The following AHCTF1 variants were observed in gnomAD, a reference collection of about 807,000 sequenced individuals.
The protein encoded by AHCTF1 is protein ELYS.
In AHCTF1, 24 loss-of-function variants were observed where a neutral mutation model predicts 248.4. The observed-to-expected ratio is 0.10, with a 90% CI of 0.07 to 0.14. The LOEUF is 0.14. Ranked by LOEUF, AHCTF1 falls within the 10% of genes least tolerant of loss-of-function variation. The probability of loss-of-function intolerance (pLI) is 1.00; values close to 1 mark genes in which losing one functional copy is unlikely to be tolerated. For missense variants in AHCTF1, 2,206 were observed against 2,636.2 expected (o/e 0.84, Z 3.57); for synonymous variants, 786 against 929.8 (o/e 0.85, Z 2.81).
At chr1:246,923,857 G>C (rs73146606) in intron 1 of AHCTF1, among the ~76,000 whole-genome samples, 31 of 152,120 alleles carry the variant, frequency 2.0e-4, no homozygotes, top group Non-Finnish European at 2.8e-4. Context: ...TGAAATGAAG[G>C]GGGAAATAGA....
intron 31 of AHCTF1, among the ~76,000 whole-genome samples, chr1:246,854,016 C>T (rs1204266752): frequency 1.3e-5 from 2 of 152,056 alleles, no homozygotes; most frequent in African/African-American, 2.4e-5. Flanking sequence ...TATTAAAAAT[C>T]TGGCTGGGCG....
intron 1 of AHCTF1, among the ~76,000 whole-genome samples, chr1:246,920,566 C>T (rs1438311128): frequency 1.3e-5 from 2 of 150,566 alleles, no homozygotes; most frequent in Non-Finnish European, 3.0e-5. Flanking sequence ...GTCAGGAGAT[C>T]GAGACCATCC....
At chr1:246,891,686 T>C in intron 15 of AHCTF1, 93 bp downstream of exon 15, 16 of 1,330,920 alleles carry the variant, frequency 1.2e-5, no homozygotes, top group Non-Finnish European at 1.7e-5. Flanking sequence ...CTTTACATAA[T>C]GATCCATCTA....
chr1:246,891,649 A>G (rs1664211972), intron 15 of AHCTF1, 130 bp downstream of exon 15: 1 of 919,456 alleles, frequency 1.1e-6, no homozygotes, highest in Non-Finnish European at 1.6e-6. Flanking sequence ...ACAAACAAAA[A>G]CCCTAGCACT....
At position 246,894,866 on chromosome 1, in the gene AHCTF1, G is replaced by T. The variant is rs967953; in HGVS notation, c.1715-118C>A. On this transcript the variant is annotated intron_variant, in intron 13 of 35. Coordinates refer to ENST00000648844, the MANE Select transcript of AHCTF1 (RefSeq NM_001323342.2). ...TAACCGAGTGAACATCAACACTTCA[G>T]GGAGGCAACTTGGGAAAATGGACTT... 3.4e-4 allele frequency: 268 copies of T among 784,786 alleles called. 2 individuals carry two copies. The East Asian group carries it at 7.2e-3, about 21-fold the overall frequency. The allele number at this position is 784,786 out of a possible 1,614,324, so 48.6% of individuals were successfully genotyped here.
At position 246,843,866 on chromosome 1, in the gene AHCTF1, C is replaced by G. The variant is rs1051417291; in HGVS notation, c.6454G>C (p.Val2152Leu). 1 of 1,508,182 alleles carries G rather than the reference C, an allele frequency of 6.6e-7. No individual in the cohort carries two copies. The highest frequency in any genetic ancestry group is 8.9e-7 in the Non-Finnish European group (1 of 1,129,260). The allele number at this position is 1,508,182 out of a possible 1,614,324, so 93.4% of individuals were successfully genotyped here. The stretch of plus-strand genomic sequence containing the variant: ...CTCCTTAAAGCAGGAGGTGAGATGA[C>G]AAACTGAGAAGATAAATCCGAAACT... ...ELVSDLSSQF[V>L]ISPPALRSRQ... is the part of the protein sequence containing the mutation. The change falls in exon 34 of 36, where the codon GTC becomes CTC. Residue 2152 changes from valine (V) to leucine (L), a missense_variant. Physicochemically the swap from Val to Leu is conservative, Grantham distance 32 (BLOSUM62 1). Coordinates refer to ENST00000648844, the MANE Select transcript of AHCTF1 (RefSeq NM_001323342.2).
chr1:246,855,697 G>A, intron 31 of AHCTF1, 33 bp downstream of exon 31: 2 of 1,517,358 alleles, frequency 1.3e-6, no homozygotes, highest in Non-Finnish European at 1.8e-6. Flanking sequence ...CACAAAAATG[G>A]AATAATCCTG....
chr1:246,869,881 A>G (rs772879630), intron 24 of AHCTF1, among the ~76,000 whole-genome samples: 60 of 152,196 alleles, frequency 3.9e-4, no homozygotes, highest in African/African-American at 9.6e-4. Context: ...TATAATTTAG[A>G]AATACATTTC....
intron 24 of AHCTF1, 82 bp from the exon 25 acceptor site, chr1:246,867,893 C>A (rs879082383): frequency 5.5e-5 from 25 of 455,148 alleles, no homozygotes; most frequent in Admixed American, 2.1e-4. Flanking sequence ...ATGATTACAC[C>A]CCCCCCCCCA....
chr1:246,881,351 T>C (rs1284132679), intron 21 of AHCTF1, among the ~76,000 whole-genome samples: 1 of 152,166 alleles, frequency 6.6e-6, no homozygotes, highest in Non-Finnish European at 1.5e-5. Context: ...CGTCAGCAAC[T>C]CTGCATACTT....
intron 27 of AHCTF1, among the ~76,000 whole-genome samples, chr1:246,863,385 A>C (rs997154999): frequency 5.9e-5 from 9 of 151,954 alleles, no homozygotes; most frequent in Non-Finnish European, 8.8e-5. Flanking sequence ...AAAAAAAAAA[A>C]ACAAAACTTT....
intron 35 of AHCTF1, among the ~76,000 whole-genome samples, 169 bp downstream of exon 35, chr1:246,842,525 T>A (rs1287423278): frequency 1.3e-5 from 2 of 152,026 alleles, no homozygotes; most frequent in Admixed American, 6.6e-5. Context: ...GAGGTTGCAG[T>A]GAGCCGAAAT....
At chr1:246,853,050 C>CT in intron 32 of AHCTF1, 41 bp downstream of exon 32, 1 of 1,500,094 alleles carries the variant, frequency 6.7e-7, no homozygotes, top group Non-Finnish European at 9.1e-7. Flanking sequence ...TAAACCAAAA[C>CT]TGAAAGACTG....
intron 34 of AHCTF1, among the ~76,000 whole-genome samples, chr1:246,843,117 T>A (rs1030144610): frequency 6.6e-6 from 1 of 152,220 alleles, no homozygotes; most frequent in Non-Finnish European, 1.5e-5. Context: ...CTACCCACAT[T>A]TCATCTTTCA....
intron 8 of AHCTF1, among the ~76,000 whole-genome samples, chr1:246,901,488 G>T (rs940699104): frequency 6.6e-6 from 1 of 152,210 alleles, no homozygotes; most frequent in Non-Finnish European, 1.5e-5. Flanking sequence ...GCTGGGCATG[G>T]TGGCGGGTGC....
chr1:246,918,512 T>C (rs1297978303), intron 1 of AHCTF1, 135 bp from the exon 2 acceptor site: 6 of 899,060 alleles, frequency 6.7e-6, no homozygotes, highest in Non-Finnish European at 9.4e-6. Flanking sequence ...AAAATACATA[T>C]TGGCCAGATG....
chr1:246,900,024 G>A lies in AHCTF1; in HGVS notation c.1432+41C>T, dbSNP rs750441271. On this transcript the variant is annotated intron_variant, in intron 10 of 35. Transcript: ENST00000648844. Reference sequence around the variant, plus strand: ...AACGTATACATTTACATACTTTTGTGCATTACTTTTCTTAAGAGGTAATGT... The same window carrying A: ...AACGTATACATTTACATACTTTTGTACATTACTTTTCTTAAGAGGTAATGT... 3.8e-5 allele frequency: 58 copies of A among 1,528,190 alleles called. No individual in the cohort carries two copies. The Middle Eastern group carries it at 2.1e-3, about 56-fold the overall frequency. 94.7% of individuals were successfully genotyped at this position (1,528,190 alleles called of 1,614,324 possible).
chr1:246,848,749 C>A (rs1289557994), intron 33 of AHCTF1, among the ~76,000 whole-genome samples: 1 of 151,890 alleles, frequency 6.6e-6, no homozygotes, highest in Non-Finnish European at 1.5e-5. Flanking sequence ...ACTAGGGAGG[C>A]TGAGGTAGGA....
intron 21 of AHCTF1, among the ~76,000 whole-genome samples, chr1:246,884,765 G>C (rs1013198877): frequency 1.3e-5 from 2 of 152,210 alleles, no homozygotes; most frequent in African/African-American, 2.4e-5. Flanking sequence ...AAATCTGGTT[G>C]AAGTAATAAG....
Sources: gnomAD v4.1 joint callset for allele counts (sites outside exome capture counted in the v4.1 genomes callset) on GRCh38, gnomAD v4.1.1 for gene constraint, MANE v1.5 for transcripts, NCBI Gene and HGNC (gene_info 2026-07-23, HGNC 2026-07-21) for gene names.